SIDT1: variants seen among roughly 807,000 people sequenced by gnomAD.
The protein encoded by SIDT1 is SID1 transmembrane family, member 1.
Under a neutral mutation model 107.5 loss-of-function variants are expected in SIDT1, and 101 were observed. The observed-to-expected ratio is 0.94, with a 90% CI of 0.80 to 1.11. The LOEUF is 1.11. Among genes scored for constraint, SIDT1 ranks in the 50% least tolerant of loss-of-function variants. The pLI is 0.00. For missense variants in SIDT1, 1,076 were observed against 1,058.2 expected, an observed-to-expected ratio of 1.02 and a Z score of -0.23; for synonymous variants, 395 against 398.2, an observed-to-expected ratio of 0.99 and a Z score of 0.10.
chr3:113,551,826 T>A (rs13078998), intron 1 of SIDT1, among the ~76,000 whole-genome samples: 2 of 77,506 alleles, frequency 2.6e-5, no homozygotes, highest in African/African-American at 1.1e-4. Flanking sequence ...GTTTTAGGGG[T>A]GTGTGTGTGT....
At chr3:113,615,932 C>T in intron 19 of SIDT1, 168 bp from the exon 20 acceptor site, 2 of 648,650 alleles carry the variant, frequency 3.1e-6, no homozygotes, top group Admixed American at 4.6e-5. Context: ...ATGACGATAC[C>T]ATTTTTCAAA....
intron 10 of SIDT1, 84 bp downstream of exon 10, chr3:113,593,132 CT>C (rs1944295571): frequency 1.7e-6 from 2 of 1,166,078 alleles, no homozygotes; most frequent in Non-Finnish European, 2.6e-6. Context: ...ACCTCTCTGC[CT>C]TTTGCAATTT....
intron 1 of SIDT1, among the ~76,000 whole-genome samples, chr3:113,542,842 A>G (rs1254998772): frequency 6.6e-6 from 1 of 151,764 alleles, no homozygotes; most frequent in African/African-American, 2.4e-5. Context: ...TTGCACTCCC[A>G]TAGTTTTTCC....
At chr3:113,598,270 G>A (rs1944714663) in intron 10 of SIDT1, among the ~76,000 whole-genome samples, 1 of 152,198 alleles carries the variant, frequency 6.6e-6, no homozygotes, top group African/African-American at 2.4e-5. Flanking sequence ...TACACAGCTG[G>A]CTTTGTCTTT....
chr3:113,547,774 C>A (rs1447809313), intron 1 of SIDT1, among the ~76,000 whole-genome samples: 1 of 152,060 alleles, frequency 6.6e-6, no homozygotes, highest in Admixed American at 6.6e-5. Flanking sequence ...ATTTTAGGAG[C>A]TATTTCTCAA....
intron 11 of SIDT1, 173 bp from the exon 12 acceptor site, chr3:113,602,832 T>C: frequency 1.8e-6 from 1 of 549,746 alleles, no homozygotes; most frequent in Non-Finnish European, 3.0e-6. Context: ...AGAGGAAAAA[T>C]AAAAGTCCAT....
chr3:113,610,115 A>G (rs776237137), intron 17 of SIDT1, among the ~76,000 whole-genome samples: 4 of 152,244 alleles, frequency 2.6e-5, no homozygotes, highest in Non-Finnish European at 5.9e-5. Context: ...GTCATATTAT[A>G]TAACAAAAAG....
At chr3:113,625,435 G>A (rs985052285) in intron 23 of SIDT1, among the ~76,000 whole-genome samples, 9 of 152,164 alleles carry the variant, frequency 5.9e-5, no homozygotes, top group South Asian at 2.1e-4. Flanking sequence ...CACCACACCC[G>A]GCCATAGCTC....
intron 3 of SIDT1, among the ~76,000 whole-genome samples, chr3:113,568,396 C>A (rs1942117104): frequency 6.6e-6 from 1 of 151,776 alleles, no homozygotes; most frequent in African/African-American, 2.4e-5. Flanking sequence ...AGATCGAGAC[C>A]ATCCTGGCTA....
At chr3:113,625,967 T>G (rs925358034) in intron 23 of SIDT1, 135 bp from the exon 24 acceptor site, 8 of 689,196 alleles carry the variant, frequency 1.2e-5, no homozygotes, top group East Asian at 5.0e-5. Context: ...GGTTTTTGTG[T>G]GGATGGATGT....
chr3:113,634,163 T>A (rs1317160602), downstream of SIDT1, among the ~76,000 whole-genome samples: 1 of 152,144 alleles, frequency 6.6e-6, no homozygotes, highest in Non-Finnish European at 1.5e-5. Flanking sequence ...ATTCCATCCC[T>A]GAAGAAATAA....
In SIDT1 at chr3:113,566,338, T is replaced by TTGTGTGTGTGTGTGTG. The variant is rs55802002; in HGVS notation, c.223-70_223-55dup. 2.5e-5 allele frequency: 28 copies of TTGTGTGTGTGTGTGTG among 1,099,464 alleles called. No homozygotes were observed. In the Admixed American group the frequency reaches 3.1e-4, roughly 12 times the overall value. The allele number at this position is 1,099,464 out of a possible 1,614,324, so 68.1% of individuals were successfully genotyped here. A position where few individuals can be genotyped will look rare whatever the true frequency, so the allele number is the denominator to read the frequency against. On this transcript the variant is annotated intron_variant, in intron 1 of 24. Transcript: ENST00000264852. Reference sequence around the variant, plus strand: ...CTATGGTGTGTGTGTTTGTGTGTGTTTGTGTGTGTGTGTGTGTGTGTGTGT... The same window carrying TTGTGTGTGTGTGTGTG: ...CTATGGTGTGTGTGTTTGTGTGTGTTTGTGTGTGTGTGTGTGTGTGTGTGTGTGTGTGTGTGTGTGT...
intron 1 of SIDT1, among the ~76,000 whole-genome samples, chr3:113,540,929 T>G (rs959781113): frequency 2.0e-5 from 3 of 152,168 alleles, no homozygotes; most frequent in Admixed American, 6.5e-5. Context: ...TTCAATAAGA[T>G]GACTAATTTA....
At chr3:113,620,994 C>T (rs1360752855) in intron 21 of SIDT1, among the ~76,000 whole-genome samples, 1 of 152,160 alleles carries the variant, frequency 6.6e-6, no homozygotes, top group Non-Finnish European at 1.5e-5. Context: ...GATGGAGGTG[C>T]AATGACAGAC....
chr3:113,627,550 AAC>A, intron 24 of SIDT1, 94 bp from the exon 25 acceptor site: 1 of 1,162,494 alleles, frequency 8.6e-7, no homozygotes, highest in Non-Finnish European at 1.3e-6. Context: ...AGAGGGAACT[AAC>A]AGTTTCCAGT....
chr3:113,620,034 T>C (rs1946353399), intron 21 of SIDT1: 2 of 217,664 alleles, frequency 9.2e-6, no homozygotes, highest in Non-Finnish European at 1.8e-5. Context: ...GTTAGATAGA[T>C]AGATAGATAG....
At chr3:113,609,468 C>T (rs950892061) in intron 17 of SIDT1, among the ~76,000 whole-genome samples, 1 of 152,150 alleles carries the variant, frequency 6.6e-6, no homozygotes. Context: ...GACCAATCAG[C>T]CCTGTCCCTG....
chr3:113,611,333 T>A (rs1945724536), intron 18 of SIDT1, among the ~76,000 whole-genome samples, 189 bp downstream of exon 18: 1 of 152,158 alleles, frequency 6.6e-6, no homozygotes, highest in African/African-American at 2.4e-5. Flanking sequence ...CACTTTTACT[T>A]AGTTATTTAG....
intron 10 of SIDT1, among the ~76,000 whole-genome samples, chr3:113,595,461 T>C (rs954228753): frequency 6.6e-6 from 1 of 151,986 alleles, no homozygotes; most frequent in Non-Finnish European, 1.5e-5. Context: ...GCACCTGTGC[T>C]CCAGCTACTT....
Sources: gnomAD v4.1 joint callset for allele counts (sites outside exome capture counted in the v4.1 genomes callset) on GRCh38, gnomAD v4.1.1 for gene constraint, MANE v1.5 for transcripts, NCBI Gene and HGNC (gene_info 2026-07-23, HGNC 2026-07-21) for gene names.